The following RILPL2 variants were observed in gnomAD, a reference collection of about 807,000 sequenced individuals.
RILPL2 encodes the protein Rab interacting lysosomal protein like 2, also known as RILP-like protein 2.
In RILPL2, 19 loss-of-function variants were observed where a neutral mutation model predicts 22.2. The observed-to-expected ratio is 0.86, with a 90% CI of 0.60 to 1.25. RILPL2 has a LOEUF of 1.25. RILPL2 is among the 50% of genes most tolerant of loss of function. The pLI is 0.00. For missense variants in RILPL2, 243 were observed against 263.6 expected (o/e 0.92, Z 0.54); for synonymous variants, 123 against 111.6 (o/e 1.10, Z -0.64).
At chr12:123,411,205 G>A (rs1291337019), downstream of RILPL2, 1 of 152,066 alleles carries the variant, frequency 6.6e-6, no homozygotes, top group Non-Finnish European at 1.5e-5. Context: ...ACCACACCCA[G>A]CTAATTTTTG....
chr12:123,430,543 G>A lies in RILPL2; in HGVS notation c.456C>T (p.Leu152=), dbSNP rs200566402. ...ACTGCAGCTCTTCCTGCACCACCAG[G>A]AGCTGCGACTTGAGTTTGTTGCGTT... The part of the protein sequence containing the change: ...LQERNKLKSQ[L]LVVQEELQCY... The change falls in exon 2 of 4, where the codon CTC becomes CTT. Residue 152 remains leucine (L), a synonymous_variant. Coordinates refer to ENST00000280571, the MANE Select transcript of RILPL2 (RefSeq NM_145058.3). 2.1e-5 allele frequency: 34 copies of A among 1,609,300 alleles called. No homozygotes were observed. The East Asian group carries it at 7.0e-4, about 33-fold the overall frequency.
Position 123,436,554 on chromosome 12 carries a change from C to T in RILPL2, c.-134G>A, listed in dbSNP as rs907827506. ...CAATCAGCGCGGCCCGGGGGTGGGC[C>T]CGGGGGGATGGTGCAAGGGGCCGCG... On this transcript the variant is annotated 5_prime_UTR_variant, in exon 1 of 4. Transcript: ENST00000280571. This position sits in a 1 kb window ranked among gnomAD's most constrained non-coding sequence, Gnocchi z 6.7. 1.4e-6 allele frequency: 2 copies of T among 1,400,234 alleles called. No homozygotes were observed. The highest frequency in any genetic ancestry group is 1.9e-6 in the Non-Finnish European group (2 of 1,063,180). The allele number at this position is 1,400,234 out of a possible 1,614,324, so 86.7% of individuals were successfully genotyped here.
At position 123,419,343 on chromosome 12, in the gene RILPL2, A is replaced by C. The variant is rs971489957; in HGVS notation, c.606-3422T>G. 3.0e-4 allele frequency among the ~76,000 whole-genome samples: 45 copies of C among 152,074 alleles called. 1 individual carries two copies. The highest frequency in any genetic ancestry group is 2.7e-3 in the Admixed American group (41 of 15,240). On this transcript the variant is annotated intron_variant, in intron 3 of 3. Transcript: ENST00000280571. ...CGGCCTACTGACTTGATTTCTGAGA[A>C]TCTGAATTTTACACAAGCACCTCAC...
intron 1 of RILPL2, among the ~76,000 whole-genome samples, chr12:123,431,053 A>G (rs1879633858): frequency 6.6e-6 from 1 of 152,202 alleles, no homozygotes; most frequent in African/African-American, 2.4e-5. Flanking sequence ...CATGTTGTCC[A>G]GGCTGGTCTT....
In RILPL2 at chr12:123,435,870, G is replaced by A. The variant is rs1386404147; in HGVS notation, c.339+212C>T. On this transcript the variant is annotated intron_variant, in intron 1 of 3. Transcript: ENST00000280571. Reference sequence around the variant, plus strand: ...TGGCCAGGCAGGGTGGCTCACACCTGTAAACCCAGCACTCTAGGAGGCTGA... The same window carrying A: ...TGGCCAGGCAGGGTGGCTCACACCTATAAACCCAGCACTCTAGGAGGCTGA... 3.3e-4 allele frequency among the ~76,000 whole-genome samples: 50 copies of A among 151,460 alleles called. 1 individual carries two copies. The highest frequency in any genetic ancestry group is 3.3e-3 in the Admixed American group (50 of 15,226).
intron 2 of RILPL2, among the ~76,000 whole-genome samples, chr12:123,427,283 C>A (rs1003221804): frequency 2.2e-4 from 33 of 152,098 alleles, no homozygotes; most frequent in African/African-American, 8.0e-4. Context: ...TCACAGAATG[C>A]TGGTCTCAAG....
chr12:123,436,538 CGGCCCGGGGGTG>C lies in RILPL2; in HGVS notation c.-130_-119del. ...AGAGTCCCTACCTGCCCAATCAGCG[CGGCCCGGGGGTG>C]GGCCCGGGGGGATGGTGCAAGGGGC... On this transcript the variant is annotated 5_prime_UTR_variant, in exon 1 of 4. Coordinates refer to ENST00000280571, the MANE Select transcript of RILPL2 (RefSeq NM_145058.3). The surrounding 1 kb of genome is among the most constrained non-coding windows in gnomAD (Gnocchi z 6.7). 6.9e-7 allele frequency: 1 copy of C among 1,445,150 alleles called. No individual in the cohort carries two copies. The highest frequency in any genetic ancestry group is 1.4e-5 in the South Asian group (1 of 71,306). The allele number at this position is 1,445,150 out of a possible 1,614,324, so 89.5% of individuals were successfully genotyped here. A position where few individuals can be genotyped will look rare whatever the true frequency, so the allele number is the denominator to read the frequency against.
intron 2 of RILPL2, among the ~76,000 whole-genome samples, chr12:123,427,372 C>G (rs1879470849): frequency 6.6e-6 from 1 of 152,130 alleles, no homozygotes; most frequent in Non-Finnish European, 1.5e-5. Flanking sequence ...GTCACTTCCA[C>G]CCTGTTCTCA....
At chr12:123,430,695 ATAT>A (rs925915608) in intron 1 of RILPL2, 36 bp from the exon 2 acceptor site, 16 of 1,316,682 alleles carry the variant, frequency 1.2e-5, no homozygotes, top group African/African-American at 1.6e-5. Flanking sequence ...AAGCAACTCT[ATAT>A]AATTAAATTA....
downstream of RILPL2, chr12:123,412,019 C>A (rs887608132): frequency 8.5e-5 from 13 of 152,162 alleles, no homozygotes; most frequent in Non-Finnish European, 1.8e-4. Context: ...CCAAGAGTTG[C>A]AGTCCAAGCA....
At chr12:123,429,417 TC>T (rs1879542207) in intron 2 of RILPL2, among the ~76,000 whole-genome samples, 1 of 152,176 alleles carries the variant, frequency 6.6e-6, no homozygotes, top group African/African-American at 2.4e-5. Context: ...TGCCTCAGCC[TC>T]CCAGGTAGCT....
chr12:123,436,677 CG>C lies in RILPL2; in HGVS notation c.-258del. ...TGTGGTTTGGGGCGCGAAGGGACAA[CG>C]GAAAAGGAGGCAGCCGAGAAGAGGA... On this transcript the variant is annotated 5_prime_UTR_variant, in exon 1 of 4. Coordinates refer to ENST00000280571, the MANE Select transcript of RILPL2 (RefSeq NM_145058.3). This position sits in a 1 kb window ranked among gnomAD's most constrained non-coding sequence, Gnocchi z 6.7. The C allele has an allele frequency of 7.1e-6, 4 of 564,060 alleles. 1 individual carries two copies. The South Asian group carries it at 9.9e-5, about 14-fold the overall frequency. The allele number at this position is 564,060 out of a possible 1,614,324, so 34.9% of individuals were successfully genotyped here.
rs1013167715 is a variant in RILPL2 at position 123,415,205 on chromosome 12, G to A, written c.*686C>T. On this transcript the variant is annotated 3_prime_UTR_variant, in exon 4 of 4. Transcript: ENST00000280571. ...TGAAATCAGGATGAGTCCTAAAATC[G>A]ATAGCTTCTTAACATTTTAGTTTGC... The A allele has an allele frequency of 1.3e-5, 2 of 152,290 alleles. No individual in the cohort carries two copies. The highest frequency in any genetic ancestry group is 1.9e-4 in the East Asian group (1 of 5,188). The allele number at this position is 152,290 out of a possible 1,614,324, so 9.4% of individuals were successfully genotyped here.
intron 2 of RILPL2, among the ~76,000 whole-genome samples, chr12:123,424,686 G>A (rs974841664): frequency 6.6e-6 from 1 of 151,998 alleles, no homozygotes; most frequent in Non-Finnish European, 1.5e-5. Context: ...AGTTTAAATC[G>A]GACTTCTGTC....
chr12:123,431,855 A>G (rs1208179154), intron 1 of RILPL2, among the ~76,000 whole-genome samples: 2 of 151,470 alleles, frequency 1.3e-5, no homozygotes, highest in Admixed American at 1.3e-4. Flanking sequence ...AAGATGGTAA[A>G]TTTTATGTTA....
chr12:123,423,765 T>TGCCTCAGCCCCCCG (rs1008225902), intron 2 of RILPL2, among the ~76,000 whole-genome samples: 15 of 152,086 alleles, frequency 9.9e-5, no homozygotes, highest in Admixed American at 2.6e-4. Flanking sequence ...GCCATTCTCT[T>TGCCTCAGCCCCCCG]GCCTCAGCCC....
At chr12:123,430,218 C>G (rs11519540) in intron 2 of RILPL2, among the ~76,000 whole-genome samples, 70,428 of 149,654 alleles carry the variant, frequency 0.47, 17,749 homozygotes, top group East Asian at 0.75. Context: ...GACCATTCTG[C>G]CTAACACGGT....
chr12:123,418,665 T>C (rs1175045226), intron 3 of RILPL2, among the ~76,000 whole-genome samples: 1 of 151,988 alleles, frequency 6.6e-6, no homozygotes, highest in East Asian at 1.9e-4. Context: ...AGAGGGCACA[T>C]ATCAGTGTGG....
intron 3 of RILPL2, among the ~76,000 whole-genome samples, chr12:123,421,671 CTTTTTT>C (rs561071129): frequency 1.4e-4 from 19 of 135,786 alleles, no homozygotes; most frequent in Non-Finnish European, 2.9e-4. Flanking sequence ...TGGGTTATTC[CTTTTTT>C]TTTTTTTTTT....
Sources: allele counts gnomAD v4.1 joint callset (sites outside exome capture counted in the v4.1 genomes callset), GRCh38; gene constraint gnomAD v4.1.1; non-coding constraint Gnocchi (gnomAD v3.1); transcripts MANE v1.5; gene names NCBI Gene and HGNC (gene_info 2026-07-23, HGNC 2026-07-21).